Variants in ROR2 observed in about 807,000 individuals in gnomAD.
ROR2 encodes the protein ROR family WNT receptor 2.
Under a neutral mutation model 74.9 loss-of-function variants are expected in ROR2, and 33 were observed. The observed-to-expected ratio is 0.44, with a 90% confidence interval of 0.33 to 0.59. The LOEUF is 0.59. Ranked by LOEUF, ROR2 falls within the 20% of genes least tolerant of loss-of-function variation. The probability of loss-of-function intolerance (pLI) is 0.02; values close to 1 mark genes in which losing one functional copy is unlikely to be tolerated. For synonymous variants in ROR2, 586 were observed against 558.7 expected (o/e 1.05, Z -0.69); for missense variants, 1,216 against 1,313.8 (o/e 0.93, Z 1.15).
Position 91,724,952 on chromosome 9 carries a change from C to T in ROR2, c.1542G>A (p.Glu514=). 6.2e-7 allele frequency: 1 copy of T among 1,613,548 alleles called. No individual in the cohort carries two copies. The highest frequency in any genetic ancestry group is 1.7e-5 in the Admixed American group (1 of 60,022). Residue 514 remains glutamate (E), a synonymous_variant, in exon 9 of 9, where the codon GAG becomes GAA. Coordinates refer to ENST00000375708, the MANE Select transcript of ROR2 (RefSeq NM_004560.4). ...GCCGGAACTCCTCCCGCAGGGGCCC[C>T]TCCGCTTTGTCCTTCAGCGTTTTGA... is the stretch of plus-strand genomic sequence containing the variant. ...VAIKTLKDKA[E]GPLREEFRHE...
chr9:91,937,314 G>A (rs112887517), intron 1 of ROR2, among the ~76,000 whole-genome samples: 1,934 of 152,186 alleles, frequency 0.013, 38 homozygotes, highest in African/African-American at 0.044. Context: ...ATGGAATGTG[G>A]ATCAAATATT....
At chr9:91,809,725 A>G (rs1827682453) in intron 1 of ROR2, among the ~76,000 whole-genome samples, 1 of 152,230 alleles carries the variant, frequency 6.6e-6, no homozygotes, top group South Asian at 2.1e-4. Context: ...AAGAGTGGGC[A>G]GGCGCCGTGG....
intron 1 of ROR2, among the ~76,000 whole-genome samples, chr9:91,834,052 C>G (rs1464331476): frequency 1.3e-5 from 2 of 152,184 alleles, no homozygotes; most frequent in Non-Finnish European, 2.9e-5. Flanking sequence ...AAAGCTCATT[C>G]CGGCTTTTGT....
chr9:91,821,695 A>G lies in ROR2; in HGVS notation c.98-45877T>C, dbSNP rs140285027. Among the ~76,000 whole-genome samples, 581 of 152,184 alleles carry G rather than the reference A, an allele frequency of 3.8e-3. 5 individuals carry two copies. The highest frequency in any genetic ancestry group is 0.013 in the African/African-American group (550 of 41,512). On this transcript the variant is annotated intron_variant, in intron 1 of 8. Transcript: ENST00000375708. ...AGTCTTTCTGCTATCCTCAAACATC[A>G]TCTTGGCTCAGACATTCACCCCAGG...
chr9:91,765,026 T>C (rs550098454), intron 2 of ROR2, among the ~76,000 whole-genome samples: 4 of 152,370 alleles, frequency 2.6e-5, no homozygotes, highest in Admixed American at 6.5e-5. Flanking sequence ...AATTTATTTT[T>C]ATTTTAGCCT....
At chr9:91,807,093 C>T (rs188951546) in intron 1 of ROR2, among the ~76,000 whole-genome samples, 1 of 152,164 alleles carries the variant, frequency 6.6e-6, no homozygotes, top group Non-Finnish European at 1.5e-5. Context: ...CCCTGGAAGG[C>T]TATGTAGAGA....
intron 1 of ROR2, among the ~76,000 whole-genome samples, chr9:91,847,497 C>T (rs1187028212): frequency 6.6e-6 from 1 of 152,196 alleles, no homozygotes; most frequent in East Asian, 1.9e-4. Context: ...CTAATGCAGT[C>T]CCCCCACTTC....
intron 4 of ROR2, among the ~76,000 whole-genome samples, chr9:91,741,346 T>A (rs1825239900): frequency 7.4e-6 from 1 of 135,138 alleles, no homozygotes; most frequent in South Asian, 2.5e-4. Context: ...AATAATAAAA[T>A]AATGACAACC....
In ROR2 at chr9:91,785,709, C is replaced by T. The variant is rs558377665; in HGVS notation, c.98-9891G>A. 9.9e-5 allele frequency among the ~76,000 whole-genome samples: 15 copies of T among 152,164 alleles called. No individual in the cohort carries two copies. The East Asian group carries it at 2.3e-3, about 24-fold the overall frequency. ...CAATGACAGTGTCACAGTTCAGAGC[C>T]CCTGCGACACGGCTCTGTGGCCCTT... On this transcript the variant is annotated intron_variant, in intron 1 of 8. Transcript: ENST00000375708.
At chr9:91,920,090 T>C (rs976968875) in intron 1 of ROR2, among the ~76,000 whole-genome samples, 16 of 152,366 alleles carry the variant, frequency 1.1e-4, no homozygotes, top group Non-Finnish European at 1.8e-4. Context: ...ATATTATTCC[T>C]TCTCTTTTGA....
chr9:91,914,737 C>T (rs1410432486), intron 1 of ROR2, among the ~76,000 whole-genome samples: 1 of 152,144 alleles, frequency 6.6e-6, no homozygotes, highest in Non-Finnish European at 1.5e-5. Flanking sequence ...ACAAAGGCAA[C>T]CGTGATTGCC....
chr9:91,764,206 T>C (rs1345423554), intron 2 of ROR2, among the ~76,000 whole-genome samples: 1 of 152,204 alleles, frequency 6.6e-6, no homozygotes, highest in Admixed American at 6.5e-5. Flanking sequence ...TCATTTTATC[T>C]GATATTATTA....
intron 1 of ROR2, among the ~76,000 whole-genome samples, chr9:91,831,316 T>C (rs1206434112): frequency 6.6e-6 from 1 of 152,102 alleles, no homozygotes; most frequent in Non-Finnish European, 1.5e-5. Context: ...AAGTTTGTTA[T>C]TATTTTTAAG....
At chr9:91,929,922 A>G (rs926485352) in intron 1 of ROR2, among the ~76,000 whole-genome samples, 12 of 152,270 alleles carry the variant, frequency 7.9e-5, no homozygotes, top group Admixed American at 7.2e-4. Flanking sequence ...GCAAAGATGA[A>G]GGAAAGGCCA....
At chr9:91,777,318 C>T (rs1241888908) in intron 1 of ROR2, among the ~76,000 whole-genome samples, 2 of 151,718 alleles carry the variant, frequency 1.3e-5, no homozygotes, top group East Asian at 3.9e-4. Context: ...TCTCCTAACC[C>T]GTAAAAAGAG....
chr9:91,925,510 T>C (rs528146033), intron 1 of ROR2, among the ~76,000 whole-genome samples: 1 of 146,592 alleles, frequency 6.8e-6, no homozygotes, highest in South Asian at 2.1e-4. Context: ...AGCATGCATA[T>C]GCACTTGTTT....
intron 1 of ROR2, among the ~76,000 whole-genome samples, chr9:91,838,688 G>A (rs1423947949): frequency 1.3e-5 from 2 of 151,132 alleles, no homozygotes; most frequent in Non-Finnish European, 2.9e-5. Flanking sequence ...ACCACGGCCG[G>A]CGCAGGAGAC....
At chr9:91,919,753 G>A (rs776306114) in intron 1 of ROR2, among the ~76,000 whole-genome samples, 8 of 152,088 alleles carry the variant, frequency 5.3e-5, no homozygotes, top group African/African-American at 1.4e-4. Flanking sequence ...GGTGGGGGCC[G>A]GAGTGGGGAG....
chr9:91,944,474 G>A (rs1274590538), intron 1 of ROR2, among the ~76,000 whole-genome samples: 2 of 152,146 alleles, frequency 1.3e-5, no homozygotes, highest in Non-Finnish European at 2.9e-5. Flanking sequence ...CAGAATAAGA[G>A]CTACAAAAAT....
Sources: allele counts gnomAD v4.1 joint callset (sites outside exome capture counted in the v4.1 genomes callset), GRCh38; gene constraint gnomAD v4.1.1; transcripts MANE v1.5; gene names NCBI Gene and HGNC (gene_info 2026-07-23, HGNC 2026-07-21).